RIMBP2: variants seen among roughly 807,000 people sequenced by gnomAD.
RIMBP2 encodes RIMS binding protein 2.
In RIMBP2, 48 loss-of-function variants were observed where a neutral mutation model predicts 118.6. That is an observed-to-expected ratio of 0.40 (90% CI 0.32 to 0.51). The LOEUF is 0.51. RIMBP2 is among the 20% of genes least tolerant of loss of function. RIMBP2 has a pLI of 0.41. For synonymous variants in RIMBP2, 762 were observed against 742.9 expected (o/e 1.03, Z -0.42); for missense variants, 1,551 against 1,768.3 (o/e 0.88, Z 2.20).
At chr12:130,472,730 G>A (rs1381624300) in intron 5 of RIMBP2, among the ~76,000 whole-genome samples, 2 of 152,150 alleles carry the variant, frequency 1.3e-5, no homozygotes, top group Non-Finnish European at 2.9e-5. Flanking sequence ...CCCCAGCCAA[G>A]GGGAAATCTG....
chr12:130,619,100 G>T (rs1426369434), intron 2 of RIMBP2, among the ~76,000 whole-genome samples: 1 of 152,164 alleles, frequency 6.6e-6, no homozygotes, highest in Non-Finnish European at 1.5e-5. Flanking sequence ...GAAGAAATAA[G>T]TTTTCCCATT....
intron 21 of RIMBP2, among the ~76,000 whole-genome samples, chr12:130,403,019 C>T (rs932014794): frequency 3.9e-5 from 6 of 152,118 alleles, no homozygotes; most frequent in African/African-American, 1.4e-4. Flanking sequence ...AGGAGTCCCT[C>T]GGGGGTCCCT....
At chr12:130,457,642 C>T (rs1437405130) in intron 6 of RIMBP2, among the ~76,000 whole-genome samples, 2 of 152,224 alleles carry the variant, frequency 1.3e-5, no homozygotes, top group East Asian at 1.9e-4. Flanking sequence ...CTGTGCTGAC[C>T]GCCCCCCGGC....
In RIMBP2 at chr12:130,620,344, C is replaced by A. The variant is rs1172465228; in HGVS notation, c.-217+7978G>T. On this transcript the variant is annotated intron_variant, in intron 2 of 22. Coordinates refer to ENST00000690449, the MANE Select transcript of RIMBP2 (RefSeq NM_001393629.1). The surrounding 1 kb of genome is among the most constrained non-coding windows in gnomAD (Gnocchi z 5.3). ...GGTCATCCTGCAGCTCTCCTCCTCCCTGAGGCTCCCAATCCCTGATGCTTC... is the reference window on the plus strand; with the variant it reads ...GGTCATCCTGCAGCTCTCCTCCTCCATGAGGCTCCCAATCCCTGATGCTTC... Among the ~76,000 whole-genome samples the A allele has an allele frequency of 6.6e-6, 1 of 152,240 alleles. No individual in the cohort carries two copies. The highest frequency in any genetic ancestry group is 1.5e-5 in the Non-Finnish European group (1 of 68,042).
Position 130,525,672 on chromosome 12 carries a change from G to A in RIMBP2, c.-216-7755C>T, listed in dbSNP as rs528723874. ...GCATGAGGGCAGCAGAGAGAAGGAC[G>A]GGGCACTTGGGGATGAGATCGTATG... On this transcript the variant is annotated intron_variant, in intron 2 of 22. Transcript: ENST00000690449. This position sits in a 1 kb window ranked among gnomAD's most constrained non-coding sequence, Gnocchi z 4.4. Among the ~76,000 whole-genome samples, 44 of 152,274 alleles carry A rather than the reference G, an allele frequency of 2.9e-4. 1 individual carries two copies. Among genetic ancestry groups the A allele is most frequent in the African/African-American group, 8.7e-4 (36 of 41,550 alleles).
rs2080772952 is a variant in RIMBP2 at position 130,469,047 on chromosome 12, C to G, written c.153+1646G>C. 1 of 152,518 alleles carries G rather than the reference C, an allele frequency of 6.6e-6. No homozygotes were observed. Among genetic ancestry groups the G allele is most frequent in the Admixed American group, 6.5e-5 (1 of 15,280 alleles). The allele number at this position is 152,518 out of a possible 1,614,324, so 9.4% of individuals were successfully genotyped here. On this transcript the variant is annotated intron_variant, in intron 6 of 22. Coordinates refer to ENST00000690449, the MANE Select transcript of RIMBP2 (RefSeq NM_001393629.1). The surrounding 1 kb of genome is among the most constrained non-coding windows in gnomAD (Gnocchi z 4.8). ...GCGTCAGAAGCTGCAGTTCAGGAAG[C>G]AGAGGCAGGTCAGAGCAGGCCCAGG...
At position 130,438,400 on chromosome 12, in the gene RIMBP2, C is replaced by T. The variant is rs187916939; in HGVS notation, c.1621G>A (p.Val541Ile). The change falls in exon 12 of 23, where the codon GTT becomes ATT. Residue 541 changes from valine to isoleucine, a missense_variant. Transcript: ENST00000690449. ...TTGGCATACACGCCGTAGCCGGTAA[C>T]GTTTGCGCCATTGGACAGCCCGGTG... ...TPTGLSNGANVTGYGVYAKGQ... is the reference protein window; with the variant it reads ...TPTGLSNGANITGYGVYAKGQ... 20 of 1,537,620 alleles carry T rather than the reference C, an allele frequency of 1.3e-5. No homozygotes were observed. The highest frequency in any genetic ancestry group is 1.0e-4 in the East Asian group (4 of 39,604).
In RIMBP2 at chr12:130,653,391, G is replaced by A. The variant is rs185493239; in HGVS notation, c.-351-24935C>T. Among the ~76,000 whole-genome samples, 234 of 152,374 alleles carry A rather than the reference G, an allele frequency of 1.5e-3. 1 individual carries two copies. Among genetic ancestry groups the A allele is most frequent in the African/African-American group, 4.5e-3 (189 of 41,600 alleles). The stretch of plus-strand genomic sequence containing the variant: ...AATCTCCAAAATAATCCTTGACTCC[G>A]TGCCCCACATCCGGGCACACTGGTG... On this transcript the variant is annotated intron_variant, in intron 1 of 22. Coordinates refer to ENST00000690449, the MANE Select transcript of RIMBP2 (RefSeq NM_001393629.1).
chr12:130,418,395 A>G (rs559571849), intron 17 of RIMBP2, among the ~76,000 whole-genome samples: 40 of 152,316 alleles, frequency 2.6e-4, no homozygotes, highest in African/African-American at 7.7e-4. Flanking sequence ...CATGGCCTCT[A>G]CAACAGGCAC....
chr12:130,463,270 GGGACACACCCAGCCCCATGGTGCTGCT>G (rs2137680355), intron 6 of RIMBP2, among the ~76,000 whole-genome samples: 1 of 152,346 alleles, frequency 6.6e-6, no homozygotes, highest in African/African-American at 2.4e-5. Flanking sequence ...CAGGGATGCA[GGGACACACCCAGCCCCATGGTGCTGCT>G]CCTCCCCATC....
chr12:130,535,056 TTTAGCAAGCTCACGTCAGACC>T (rs2053866478), intron 2 of RIMBP2, among the ~76,000 whole-genome samples: 1 of 152,222 alleles, frequency 6.6e-6, no homozygotes, highest in Non-Finnish European at 1.5e-5. Flanking sequence ...CCGGCTGCCC[TTTAGCAAGCTCACGTCAGACC>T]TTTGCTGACC....
intron 2 of RIMBP2, among the ~76,000 whole-genome samples, chr12:130,526,656 T>C (rs2052819271): frequency 6.6e-6 from 1 of 152,224 alleles, no homozygotes; most frequent in Non-Finnish European, 1.5e-5. Flanking sequence ...ACCAGTTTTA[T>C]CTCTGGACAC....
rs558310489 is a variant in RIMBP2 at position 130,458,170 on chromosome 12, T to C, written c.154-1470A>G. Among the ~76,000 whole-genome samples, 19 of 151,212 alleles carry C rather than the reference T, an allele frequency of 1.3e-4. No homozygotes were observed. In the East Asian group the frequency reaches 3.5e-3, roughly 28 times the overall value. ...AGCTCCTTAGTCCAGAATGAAGCAC[T>C]ATTTATGGCTGAGATCATGGATTTC... On this transcript the variant is annotated intron_variant, in intron 6 of 22. Transcript: ENST00000690449.
chr12:130,438,344 A>AAAAAAAAC, intron 12 of RIMBP2, 21 bp downstream of exon 12: 2 of 685,540 alleles, frequency 2.9e-6, no homozygotes, highest in Non-Finnish European at 4.5e-6. Flanking sequence ...AACCCTCCCC[A>AAAAAAAAC]CCCACCCAAC....
chr12:130,399,895 A>C, intron 21 of RIMBP2, 82 bp from the exon 22 acceptor site: 47 of 1,458,538 alleles, frequency 3.2e-5, no homozygotes, highest in Non-Finnish European at 4.2e-5. Context: ...AATACAGCTC[A>C]GAGTACAGGT....
intron 1 of RIMBP2, among the ~76,000 whole-genome samples, chr12:130,709,779 C>T (rs547058639): frequency 6.6e-6 from 1 of 151,914 alleles, no homozygotes; most frequent in Non-Finnish European, 1.5e-5. Context: ...CCATCGCGGA[C>T]ACACACTGGG....
chr12:130,487,363 T>C, intron 4 of RIMBP2, among the ~76,000 whole-genome samples: 1 of 152,110 alleles, frequency 6.6e-6, no homozygotes, highest in South Asian at 2.1e-4. Flanking sequence ...GCCCTCCCCA[T>C]AGCGATAAGT....
intron 2 of RIMBP2, among the ~76,000 whole-genome samples, chr12:130,588,318 TTTTGTAATA>T (rs2059047325): frequency 6.6e-6 from 1 of 152,208 alleles, no homozygotes; most frequent in Admixed American, 6.5e-5. Context: ...GTTTAGCTCA[TTTTGTAATA>T]TTTGTATTTA....
At chr12:130,691,908 C>T (rs543151612) in intron 1 of RIMBP2, among the ~76,000 whole-genome samples, 3 of 152,148 alleles carry the variant, frequency 2.0e-5, no homozygotes, top group Non-Finnish European at 4.4e-5. Context: ...TAGAGCGGGT[C>T]TGGAACATGG....
Sources: allele counts gnomAD v4.1 joint callset (sites outside exome capture counted in the v4.1 genomes callset), GRCh38; gene constraint gnomAD v4.1.1; non-coding constraint Gnocchi (gnomAD v3.1); transcripts MANE v1.5; gene names NCBI Gene and HGNC (gene_info 2026-07-23, HGNC 2026-07-21).